Variants in USP8 observed in about 807,000 individuals in gnomAD.
USP8 encodes ubiquitin specific peptidase 8.
A neutral mutation model predicts 130.0 loss-of-function variants in USP8; 27 were observed. The ratio of observed to expected loss-of-function variants is 0.21; its 90% confidence interval spans 0.15 to 0.29. The LOEUF (loss-of-function observed/expected upper bound fraction) is 0.29. Ranked by LOEUF, USP8 falls within the 10% of genes least tolerant of loss-of-function variation. The probability of loss-of-function intolerance (pLI) is 1.00; values close to 1 mark genes in which losing one functional copy is unlikely to be tolerated. For synonymous variants in USP8, 392 were observed against 444.1 expected (o/e 0.88, Z 1.48); for missense variants, 1,029 against 1,312.2 (o/e 0.78, Z 3.33).
intron 17 of USP8, 60 bp downstream of exon 17, chr15:50,496,144 A>G (rs2052392291): frequency 5.2e-6 from 7 of 1,339,156 alleles, no homozygotes; most frequent in African/African-American, 1.5e-5. Flanking sequence ...TTTTATGGAT[A>G]TAGAGATGTA....
At chr15:50,495,203 TAC>T (rs577089941) in intron 16 of USP8, among the ~76,000 whole-genome samples, 11 of 148,980 alleles carry the variant, frequency 7.4e-5, no homozygotes, top group African/African-American at 2.4e-4. Context: ...TATATATATA[TAC>T]ACACACACCT....
At position 50,437,579 on chromosome 15, in the gene USP8, C is replaced by A. The variant is rs368725555; in HGVS notation, c.-65-1430C>A. ...CATATCTTATATACCCCTTTAATAA[C>A]CTCTGTTTAACACGAGGCCTACTGT... On this transcript the variant is annotated intron_variant, in intron 1 of 19. Coordinates refer to ENST00000307179, the MANE Select transcript of USP8 (RefSeq NM_005154.5). Among the ~76,000 whole-genome samples the A allele has an allele frequency of 3.3e-5, 5 of 152,306 alleles. No individual in the cohort carries two copies. In the East Asian group the frequency reaches 5.8e-4, roughly 18 times the overall value.
At chr15:50,443,809 A>C (rs1055830875) in intron 3 of USP8, among the ~76,000 whole-genome samples, 2 of 152,050 alleles carry the variant, frequency 1.3e-5, no homozygotes, top group Non-Finnish European at 2.9e-5. Flanking sequence ...TCTGTCTTTG[A>C]AGAGGGGGCC....
chr15:50,426,203 AG>A (rs2049714448), intron 1 of USP8, among the ~76,000 whole-genome samples: 2 of 152,236 alleles, frequency 1.3e-5, no homozygotes, highest in South Asian at 4.1e-4. Flanking sequence ...AAATAAAGCC[AG>A]TACATTAAAT....
intron 6 of USP8, among the ~76,000 whole-genome samples, chr15:50,463,125 C>G: frequency 6.6e-6 from 1 of 151,952 alleles, no homozygotes; most frequent in Admixed American, 6.6e-5. Context: ...GGTGGATGCC[C>G]TTAGTCCCAT....
chr15:50,494,487 G>T (rs2052296697), intron 16 of USP8, among the ~76,000 whole-genome samples: 1 of 152,176 alleles, frequency 6.6e-6, no homozygotes, highest in South Asian at 2.1e-4. Context: ...AAGCAGTATT[G>T]CTGAGAAATT....
rs1566897856 is a variant in USP8 at position 50,500,203 on chromosome 15, C to CAATT, written c.*1117_*1120dup. 1.3e-5 allele frequency: 2 copies of CAATT among 152,190 alleles called. No individual in the cohort carries two copies. Among genetic ancestry groups the CAATT allele is most frequent in the East Asian group, 1.9e-4 (1 of 5,200 alleles). The allele number at this position is 152,190 out of a possible 1,614,324, so 9.4% of individuals were successfully genotyped here. A position where few individuals can be genotyped will look rare whatever the true frequency, so the allele number is the denominator to read the frequency against. ...GAAGCTGACAACTTTTCATGTTTTA[C>CAATT]AATTAGTCTAAGAGACCACTTCTTG... On this transcript the variant is annotated 3_prime_UTR_variant, in exon 20 of 20. Coordinates refer to ENST00000307179, the MANE Select transcript of USP8 (RefSeq NM_005154.5).
At chr15:50,440,174 A>T (rs1396380012) in intron 2 of USP8, among the ~76,000 whole-genome samples, 1 of 152,190 alleles carries the variant, frequency 6.6e-6, no homozygotes, top group Non-Finnish European at 1.5e-5. Flanking sequence ...AGGTGACAGA[A>T]AACAACTCTA....
At chr15:50,495,357 T>G (rs1447469982) in intron 16 of USP8, among the ~76,000 whole-genome samples, 1 of 102,314 alleles carries the variant, frequency 9.8e-6, no homozygotes, top group Non-Finnish European at 2.1e-5. Context: ...TATATACATA[T>G]ATAGAGAGAG....
At chr15:50,476,300 G>A (rs907374399) in intron 8 of USP8, among the ~76,000 whole-genome samples, 5 of 152,148 alleles carry the variant, frequency 3.3e-5, no homozygotes, top group Non-Finnish European at 2.9e-5. Flanking sequence ...GTGTTGGCGC[G>A]TGCTTGTAAG....
At position 50,513,077 on chromosome 15, in the gene USP8, G is replaced by A. The variant is rs570505912; in HGVS notation, c.*13989G>A. The stretch of plus-strand genomic sequence containing the variant: ...CATACAATAGGAAAAACTAAAATGA[G>A]ATAATTTTGTATCCATTAGATGGCA... On this transcript the variant is annotated 3_prime_UTR_variant, in exon 20 of 20. Coordinates refer to ENST00000307179, the MANE Select transcript of USP8 (RefSeq NM_005154.5). 5 of 152,274 alleles carry A rather than the reference G, an allele frequency of 3.3e-5. No homozygotes were observed. In the South Asian group the frequency reaches 1.0e-3, roughly 32 times the overall value. The allele number at this position is 152,274 out of a possible 1,614,324, so 9.4% of individuals were successfully genotyped here.
intron 3 of USP8, among the ~76,000 whole-genome samples, chr15:50,445,980 G>A (rs1323958499): frequency 2.0e-5 from 3 of 152,010 alleles, no homozygotes; most frequent in Non-Finnish European, 4.4e-5. Context: ...TTCTTTCAGG[G>A]TTATCTGAAA....
At chr15:50,457,000 T>C (rs7165464) in intron 4 of USP8, among the ~76,000 whole-genome samples, 21,872 of 152,318 alleles carry the variant, frequency 0.14, 2,019 homozygotes, top group Middle Eastern at 0.28. Flanking sequence ...TGTGACATGC[T>C]AATTTCTTCT....
In USP8 at chr15:50,499,591, T is replaced by C. The variant is rs948762686; in HGVS notation, c.*503T>C. The C allele has an allele frequency of 8.3e-6, 1 of 120,112 alleles. No homozygotes were observed. The highest frequency in any genetic ancestry group is 1.7e-5 in the Non-Finnish European group (1 of 57,452). 7.4% of individuals were successfully genotyped at this position (120,112 alleles called of 1,614,324 possible). A position where few individuals can be genotyped will look rare whatever the true frequency, so the allele number is the denominator to read the frequency against. ...GAACTCAGAGGATTGCTTTTTTTCT[T>C]TCAGCCTATTTTGAGTTAACTTCAG... On this transcript the variant is annotated 3_prime_UTR_variant, in exon 20 of 20. Coordinates refer to ENST00000307179, the MANE Select transcript of USP8 (RefSeq NM_005154.5).
intron 1 of USP8, among the ~76,000 whole-genome samples, chr15:50,427,464 G>A (rs914866177): frequency 2.6e-5 from 4 of 151,962 alleles, no homozygotes; most frequent in African/African-American, 9.7e-5. Context: ...GGAAAGTAAG[G>A]CCTGCAACAG....
At chr15:50,489,965 G>C (rs1245983873) in intron 13 of USP8, 84 bp downstream of exon 13, 7 of 1,156,620 alleles carry the variant, frequency 6.1e-6, no homozygotes, top group African/African-American at 4.7e-5. Context: ...CTGTAATGCA[G>C]AGTCAATTCC....
In USP8 at chr15:50,493,005, A is replaced by AC. The variant is rs1290537424; in HGVS notation, c.2447+93dup. The AC allele has an allele frequency of 4.1e-6, 5 of 1,217,580 alleles. No individual in the cohort carries two copies. In the East Asian group the frequency reaches 1.2e-4, roughly 28 times the overall value. The allele number at this position is 1,217,580 out of a possible 1,614,324, so 75.4% of individuals were successfully genotyped here. A position where few individuals can be genotyped will look rare whatever the true frequency, so the allele number is the denominator to read the frequency against. Reference sequence around the variant, plus strand: ...AGTCCATTAGTTTTCTGCTGCTATAACAAAATACCTAAGACTAGATAATTT... The same window carrying AC: ...AGTCCATTAGTTTTCTGCTGCTATAACCAAAATACCTAAGACTAGATAATTT... On this transcript the variant is annotated intron_variant, in intron 15 of 19. Transcript: ENST00000307179.
intron 7 of USP8, among the ~76,000 whole-genome samples, chr15:50,470,807 A>C (rs1045729342): frequency 2.6e-5 from 4 of 151,982 alleles, no homozygotes; most frequent in Non-Finnish European, 5.9e-5. Context: ...CATGTTGGCC[A>C]GGCTGGTCTT....
Position 50,490,453 on chromosome 15 carries a change from A to G in USP8, c.2162A>G (p.Asp721Gly). The G allele has an allele frequency of 1.2e-6, 2 of 1,614,200 alleles. No individual in the cohort carries two copies. Among genetic ancestry groups the G allele is most frequent in the Non-Finnish European group, 1.7e-6 (2 of 1,180,034 alleles). The stretch of plus-strand genomic sequence containing the variant: ...CTGAAGCGCTCCTACTCCTCCCCAG[A>G]TATAACCCAGGCTATTCAAGAGGAA... ...SKLKRSYSSP[D>G]ITQAIQEEEK... The change falls in exon 14 of 20, where the codon GAT becomes GGT. Residue 721 changes from aspartate to glycine, a missense_variant. Around this residue, in one of 4 missense-constraint regions of USP8, gnomAD observed 486 missense variants for 522.0 expected, o/e 0.93. Coordinates refer to ENST00000307179, the MANE Select transcript of USP8 (RefSeq NM_005154.5).
Sources: gnomAD v4.1 joint callset for allele counts (sites outside exome capture counted in the v4.1 genomes callset) on GRCh38, gnomAD v4.1.1 for gene constraint, gnomAD v4.1.1 regional missense constraint, MANE v1.5 for transcripts, NCBI Gene and HGNC (gene_info 2026-07-23, HGNC 2026-07-21) for gene names.